The following MATCAP2 variants were observed in gnomAD, a reference collection of about 807,000 sequenced individuals.
MATCAP2 encodes microtubule associated tyrosine carboxypeptidase 2.
chr7:36,381,263 G>A, the MATCAP2 span, among the ~76,000 whole-genome samples: 1 of 152,168 alleles, frequency 6.6e-6, no homozygotes, highest in Non-Finnish European at 1.5e-5. Flanking sequence ...AAATCTTGGA[G>A]TTGGAGCATT....
the MATCAP2 span, among the ~76,000 whole-genome samples, chr7:36,347,130 G>A: frequency 6.6e-6 from 1 of 152,122 alleles, no homozygotes; most frequent in Non-Finnish European, 1.5e-5. Flanking sequence ...AGTATGACAT[G>A]TGAATTGTAT....
the MATCAP2 span, chr7:36,367,245 C>G: frequency 1.8e-6 from 2 of 1,102,998 alleles, no homozygotes; most frequent in African/African-American, 3.3e-5. Flanking sequence ...GGAAACTGCC[C>G]CCGGGGTCCG....
chr7:36,367,321 GGC>G, the MATCAP2 span: 7 of 1,007,498 alleles, frequency 6.9e-6, no homozygotes, highest in African/African-American at 1.2e-4. Context: ...GCCCGCGGGC[GGC>G]GAGAGAGAGT....
At chr7:36,384,203 T>A in the MATCAP2 span, among the ~76,000 whole-genome samples, 1 of 152,338 alleles carries the variant, frequency 6.6e-6, no homozygotes, top group Admixed American at 6.5e-5. Context: ...TTATTTCCTT[T>A]GTTTAAAAGA....
At chr7:36,356,678 G>C in the MATCAP2 span, 4 of 586,850 alleles carry the variant, frequency 6.8e-6, no homozygotes, top group Non-Finnish European at 1.2e-5. Context: ...ATTGCTTCCT[G>C]TCACAAAGAG....
the MATCAP2 span, among the ~76,000 whole-genome samples, chr7:36,360,632 GT>G: frequency 6.6e-6 from 1 of 152,126 alleles, no homozygotes; most frequent in South Asian, 2.1e-4. Flanking sequence ...ATTTCTCAGA[GT>G]CACAGTAATT....
chr7:36,378,961 AGTAGTTGGGTG>A, the MATCAP2 span, among the ~76,000 whole-genome samples: 1 of 152,224 alleles, frequency 6.6e-6, no homozygotes, highest in African/African-American at 2.4e-5. Context: ...GGAAAAGCTC[AGTAGTTGGGTG>A]GCAGTGTCCC....
the MATCAP2 span, among the ~76,000 whole-genome samples, chr7:36,360,273 G>T: frequency 6.6e-6 from 1 of 151,980 alleles, no homozygotes; most frequent in South Asian, 2.1e-4. Flanking sequence ...TCATAATTTT[G>T]TGCCATCTGA....
At chr7:36,390,000 T>A in the MATCAP2 span, 1 of 1,614,104 alleles carries the variant, frequency 6.2e-7, no homozygotes, top group Non-Finnish European at 8.5e-7. Context: ...ACCGTTTCCA[T>A]CGTCTCGTAG....
the MATCAP2 span, among the ~76,000 whole-genome samples, chr7:36,373,149 C>T: frequency 1.3e-5 from 2 of 149,414 alleles, no homozygotes; most frequent in South Asian, 4.2e-4. Flanking sequence ...GATGTACATG[C>T]ATCAATCAGT....
chr7:36,358,197 TA>T, the MATCAP2 span, among the ~76,000 whole-genome samples: 287 of 143,540 alleles, frequency 2.0e-3, no homozygotes, highest in Admixed American at 2.4e-3. Context: ...GACCCTATCT[TA>T]AAAAAAAAAA....
chr7:36,334,035 A>G, the MATCAP2 span: 1 of 1,614,080 alleles, frequency 6.2e-7, no homozygotes, highest in East Asian at 2.2e-5. Context: ...TTTTCTAAAC[A>G]GAACACTGTG....
chr7:36,346,803 C>T, the MATCAP2 span, among the ~76,000 whole-genome samples: 2 of 152,122 alleles, frequency 1.3e-5, no homozygotes, highest in Admixed American at 6.6e-5. Context: ...CTCTGTTGCC[C>T]GGGCTGGAGT....
chr7:36,329,520 A>G, the MATCAP2 span, among the ~76,000 whole-genome samples: 1 of 152,234 alleles, frequency 6.6e-6, no homozygotes, highest in Non-Finnish European at 1.5e-5. Context: ...TTGGGTAGGA[A>G]AAGTACAAAC....
At chr7:36,357,010 T>C in the MATCAP2 span, 1 of 1,614,122 alleles carries the variant, frequency 6.2e-7, no homozygotes, top group Middle Eastern at 1.7e-4. Flanking sequence ...ATTTGAAGAA[T>C]CTCAGTTTTT....
the MATCAP2 span, among the ~76,000 whole-genome samples, chr7:36,387,673 A>G: frequency 1.3e-5 from 2 of 152,180 alleles, no homozygotes; most frequent in African/African-American, 4.8e-5. Context: ...TTATCAAGGT[A>G]GAAACCAAAG....
At chr7:36,343,106 A>G in the MATCAP2 span, among the ~76,000 whole-genome samples, 1,937 of 152,074 alleles carry the variant, frequency 0.013, 10 homozygotes, top group Middle Eastern at 0.027. Context: ...ATAATTTAAA[A>G]TGGTCCAACC....
At chr7:36,352,626 G>A in the MATCAP2 span, among the ~76,000 whole-genome samples, 2 of 151,048 alleles carry the variant, frequency 1.3e-5, no homozygotes, top group Non-Finnish European at 3.0e-5. Context: ...TCAGGAGTTC[G>A]AGACCAGCCT....
the MATCAP2 span, chr7:36,330,921 TTGAG>T: frequency 1.0e-6 from 1 of 963,104 alleles, no homozygotes; most frequent in Admixed American, 1.8e-5. Context: ...AATGCTAAGC[TTGAG>T]TGAGGGGAAT....
Sources: gnomAD v4.1 joint callset for allele counts (sites outside exome capture counted in the v4.1 genomes callset) on GRCh38, gnomAD v4.1.1 for gene constraint, MANE v1.5 for transcripts, NCBI Gene and HGNC (gene_info 2026-07-23, HGNC 2026-07-21) for gene names.